MYSM1: variants seen among roughly 807,000 people sequenced by gnomAD.
MYSM1 encodes Myb like, SWIRM and MPN domains 1, also known as deubiquitinase MYSM1.
A neutral mutation model predicts 116.0 loss-of-function variants in MYSM1; 51 were observed. The ratio of observed to expected loss-of-function variants is 0.44; its 90% confidence interval spans 0.35 to 0.56. MYSM1 has a LOEUF of 0.56. Among genes scored for constraint, MYSM1 ranks in the 20% least tolerant of loss-of-function variants. MYSM1 has a pLI of 0.00. For synonymous variants in MYSM1, 313 were observed against 315.2 expected (o/e 0.99, Z 0.07); for missense variants, 900 against 974.9 (o/e 0.92, Z 1.02).
rs12140670 is a variant in MYSM1 at position 58,686,383 on chromosome 1, G to A, written c.400-1132C>T. ...CATAAGATATTCTCTACTTCCTAAGGTAGCTAAATAATTCTATATTTTTAG... is the reference window on the plus strand; with the variant it reads ...CATAAGATATTCTCTACTTCCTAAGATAGCTAAATAATTCTATATTTTTAG... On this transcript the variant is annotated intron_variant, in intron 6 of 19. Transcript: ENST00000472487. Among the ~76,000 whole-genome samples the A allele has an allele frequency of 7.6e-3, 1,163 of 152,128 alleles. 13 individuals carry two copies. The highest frequency in any genetic ancestry group is 0.03 in the South Asian group (143 of 4,818).
rs1354768225 is a variant in MYSM1 at position 58,677,026 on chromosome 1, CTTAT to C, written c.1286_1289del (p.Asn429ArgfsTer8). 6.2e-7 allele frequency: 1 copy of C among 1,605,908 alleles called. No individual in the cohort carries two copies. Among genetic ancestry groups the C allele is most frequent in the Non-Finnish European group, 8.5e-7 (1 of 1,176,032 alleles). Reference sequence around the variant, plus strand: ...TCTTCAGGCCAGGACGTACTGAGGTCTTATTTAAGTATTTTGGTTTGCATATCTC... The same window carrying C: ...TCTTCAGGCCAGGACGTACTGAGGTCTTAAGTATTTTGGTTTGCATATCTC... On this transcript the variant is annotated frameshift_variant, in exon 9 of 20. Coordinates refer to ENST00000472487, the MANE Select transcript of MYSM1 (RefSeq NM_001085487.3). LOFTEE classifies it high-confidence loss of function.
rs1482287169 is a variant in MYSM1 at position 58,697,493 on chromosome 1, A to T, written c.69-2286T>A. On this transcript the variant is annotated intron_variant, in intron 1 of 19. Coordinates refer to ENST00000472487, the MANE Select transcript of MYSM1 (RefSeq NM_001085487.3). ...GAGGGACAGTGTGGTCAGTGAATCA[A>T]AGTCCAATGAGAAAACTCCTTGCAA... Among the ~76,000 whole-genome samples, 4 of 152,204 alleles carry T rather than the reference A, an allele frequency of 2.6e-5. No individual in the cohort carries two copies. The East Asian group carries it at 7.7e-4, about 29-fold the overall frequency.
Position 58,675,462 on chromosome 1 carries a change from G to C in MYSM1, c.1494+15C>G. On this transcript the variant is annotated intron_variant, in intron 10 of 19. Coordinates refer to ENST00000472487, the MANE Select transcript of MYSM1 (RefSeq NM_001085487.3). ...CAGCAATGTGGAGAGATCACTGAGA[G>C]AGATGACTGCTTACCATAGACTGCA... 6.3e-7 allele frequency: 1 copy of C among 1,580,142 alleles called. No homozygotes were observed. Among genetic ancestry groups the C allele is most frequent in the Non-Finnish European group, 8.7e-7 (1 of 1,152,422 alleles).
chr1:58,688,975 A>C, intron 6 of MYSM1, 63 bp downstream of exon 6: 2 of 1,423,244 alleles, frequency 1.4e-6, no homozygotes, highest in Non-Finnish European at 1.9e-6. Context: ...ATTTAACCTT[A>C]TAACTTTACC....
chr1:58,698,673 T>C (rs1013550589), intron 1 of MYSM1, among the ~76,000 whole-genome samples: 2 of 152,218 alleles, frequency 1.3e-5, no homozygotes, highest in African/African-American at 4.8e-5. Flanking sequence ...CAGATAAGTA[T>C]CCCTGCCAAC....
At chr1:58,679,809 C>A (rs2100642563) in intron 8 of MYSM1, among the ~76,000 whole-genome samples, 2 of 151,648 alleles carry the variant, frequency 1.3e-5, no homozygotes, top group Middle Eastern at 3.4e-3. Flanking sequence ...GAGTGGATTA[C>A]CTGAGGTCAG....
At chr1:58,671,630 A>C (rs897447917) in intron 12 of MYSM1, among the ~76,000 whole-genome samples, 3 of 152,162 alleles carry the variant, frequency 2.0e-5, no homozygotes, top group African/African-American at 7.2e-5. Context: ...AACCTGTCCT[A>C]AACAGGGCCC....
At chr1:58,697,480 G>T (rs1644992141) in intron 1 of MYSM1, among the ~76,000 whole-genome samples, 2 of 152,156 alleles carry the variant, frequency 1.3e-5, no homozygotes, top group South Asian at 4.1e-4. Flanking sequence ...GGGACAGTGT[G>T]GTCAGTGAAT....
Position 58,667,078 on chromosome 1 carries a change from T to C in MYSM1, c.1991A>G (p.Asn664Ser), listed in dbSNP as rs1644485536. The change falls in exon 16 of 20, where the codon AAT becomes AGT. Residue 664 changes from asparagine (N) to serine (S), a missense_variant. By Grantham distance (46) the Asn-to-Ser change is conservative (BLOSUM62 1). Coordinates refer to ENST00000472487, the MANE Select transcript of MYSM1 (RefSeq NM_001085487.3). ...TGTGTCAATATCTCGTAAGGAAGGA[T>C]TAGGATCAAAAGCAGGATGAGAATG... ...WYHSHPAFDP[N>S]PSLRDIDTQA... is the part of the protein sequence containing the mutation. 1.2e-6 allele frequency: 2 copies of C among 1,612,922 alleles called. No homozygotes were observed. Among genetic ancestry groups the C allele is most frequent in the African/African-American group, 1.3e-5 (1 of 74,960 alleles).
chr1:58,675,424 T>TA (rs1401762346), intron 10 of MYSM1, 53 bp downstream of exon 10: 3 of 1,345,948 alleles, frequency 2.2e-6, no homozygotes, highest in Non-Finnish European at 3.2e-6. Flanking sequence ...TAAACCACAC[T>TA]AAACAGAGTA....
chr1:58,659,915 G>A lies in MYSM1; in HGVS notation c.*82C>T. On this transcript the variant is annotated 3_prime_UTR_variant, in exon 20 of 20. Transcript: ENST00000472487. ...GAAAAAATACCAAAGCTGTGCCAAT[G>A]TTAACTACAATCACTTCAAGTTTAT... The A allele has an allele frequency of 1.1e-6, 1 of 934,742 alleles. No individual in the cohort carries two copies. The highest frequency in any genetic ancestry group is 2.9e-5 in the East Asian group (1 of 34,856). The allele number at this position is 934,742 out of a possible 1,614,324, so 57.9% of individuals were successfully genotyped here.
chr1:58,684,304 G>A (rs1248689442), intron 7 of MYSM1, among the ~76,000 whole-genome samples: 1 of 152,090 alleles, frequency 6.6e-6, no homozygotes, highest in Non-Finnish European at 1.5e-5. Flanking sequence ...GGTGGCTCAC[G>A]CCTGTAATCC....
At chr1:58,675,685 T>C in intron 9 of MYSM1, 105 bp from the exon 10 acceptor site, 2 of 766,846 alleles carry the variant, frequency 2.6e-6, no homozygotes, top group South Asian at 3.3e-5. Context: ...CTATGACTCT[T>C]ATTTCACGAT....
intron 14 of MYSM1, 112 bp from the exon 15 acceptor site, chr1:58,668,033 T>C (rs1262039500): frequency 3.8e-6 from 3 of 787,632 alleles, no homozygotes; most frequent in Non-Finnish European, 6.8e-6. Flanking sequence ...CATGCTTTTA[T>C]AAAATAAAGT....
chr1:58,687,341 C>T (rs945855969), intron 6 of MYSM1, among the ~76,000 whole-genome samples: 3 of 152,086 alleles, frequency 2.0e-5, no homozygotes, highest in Admixed American at 6.6e-5. Flanking sequence ...TTACCCCGGG[C>T]GAAGCGAACT....
intron 16 of MYSM1, among the ~76,000 whole-genome samples, chr1:58,666,162 A>T (rs1206815286): frequency 6.6e-6 from 1 of 152,178 alleles, no homozygotes; most frequent in Non-Finnish European, 1.5e-5. Context: ...ACCAAATCCA[A>T]AATGACCCTT....
At chr1:58,687,618 AC>A (rs747884267) in intron 6 of MYSM1, among the ~76,000 whole-genome samples, 16 of 152,132 alleles carry the variant, frequency 1.1e-4, no homozygotes, top group Non-Finnish European at 2.2e-4. Context: ...ATCCTGCCTA[AC>A]CACCTGACTA....
rs1465889554 is a variant in MYSM1, at chr1:58,675,515, C to T, written c.1456G>A (p.Val486Ile). 2.5e-6 allele frequency: 4 copies of T among 1,613,242 alleles called. No homozygotes were observed. The highest frequency in any genetic ancestry group is 1.1e-5 in the South Asian group (1 of 90,868). ...CGCTGGGCAAGTTGGTATGCTTCTA[C>T]TGCATCTTTTCTGTCTCTGATTCGT... is the stretch of plus-strand genomic sequence containing the variant. ...KVRIRDRKDA[V>I]EAYQLAQRLQ... The change falls in exon 10 of 20, where the codon GTA (valine) becomes ATA (isoleucine). Residue 486 changes from valine to isoleucine, a missense_variant. Physicochemically the swap from Val to Ile is conservative, Grantham distance 29. Coordinates refer to ENST00000472487, the MANE Select transcript of MYSM1 (RefSeq NM_001085487.3).
chr1:58,690,318 A>G (rs1644886542), intron 4 of MYSM1, 22 bp downstream of exon 4: 1 of 1,589,830 alleles, frequency 6.3e-7, no homozygotes, highest in Non-Finnish European at 8.6e-7. Flanking sequence ...AGACTTTTAG[A>G]AATATTATAA....
Sources: allele counts gnomAD v4.1 joint callset (sites outside exome capture counted in the v4.1 genomes callset), GRCh38; gene constraint gnomAD v4.1.1; transcripts MANE v1.5; gene names NCBI Gene and HGNC (gene_info 2026-07-23, HGNC 2026-07-21).